CNKSR2: variants seen among roughly 807,000 people sequenced by gnomAD.
CNKSR2 encodes the protein connector enhancer of kinase suppressor of Ras 2, also known as CNK homolog protein 2.
A neutral mutation model predicts 84.4 loss-of-function variants in CNKSR2; 14 were observed. The observed-to-expected ratio is 0.17, with a 90% CI of 0.11 to 0.26. The LOEUF (loss-of-function observed/expected upper bound fraction) is 0.26, where lower values mean the gene tolerates loss of function less well. CNKSR2 is among the 10% of genes least tolerant of loss of function. The probability of loss-of-function intolerance (pLI) is 1.00; values close to 1 mark genes in which losing one functional copy is unlikely to be tolerated. For synonymous variants in CNKSR2, 275 were observed against 277.9 expected (o/e 0.99, Z 0.10); for missense variants, 485 against 771.2 (o/e 0.63, Z 4.40).
At position 21,505,185 on chromosome X, in the gene CNKSR2, A is replaced by G. The variant is rs1601875040; in HGVS notation, c.810+3597A>G. On this transcript the variant is annotated intron_variant, in intron 8 of 21. Transcript: ENST00000379510. ...TAAAGATTCTATCCATACTAAAAAC[A>G]GTCTCGGGAATATCACTTGAGAAGA... 5.5e-5 allele frequency: 7 copies of G among 128,233 alleles called. No homozygotes were observed. In the East Asian group the frequency reaches 1.4e-3, roughly 26 times the overall value. The allele number at this position is 128,233 out of a possible 1,213,427, so 10.6% of individuals were successfully genotyped here.
At chrX:21,452,065 CTAAT>C (rs2090938723) in intron 4 of CNKSR2, among the ~76,000 whole-genome samples, 1 of 111,130 alleles carries the variant, frequency 9.0e-6, no homozygotes, top group Admixed American at 9.6e-5. Flanking sequence ...CAGTCTCAAT[CTAAT>C]GAATGAATGA....
At chrX:21,631,162 T>C (rs1057437781) in intron 20 of CNKSR2, among the ~76,000 whole-genome samples, 1 of 109,610 alleles carries the variant, frequency 9.1e-6, no homozygotes, top group Non-Finnish European at 1.9e-5. Context: ...AGTCTACAAA[T>C]ACAAAAATTA....
intron 3 of CNKSR2, among the ~76,000 whole-genome samples, chrX:21,437,469 G>T (rs2090723585): frequency 1.0e-5 from 1 of 95,266 alleles, no homozygotes; most frequent in Admixed American, 1.2e-4. Context: ...GCCCAGCCTA[G>T]AGTGCAGTGG....
intron 1 of CNKSR2, among the ~76,000 whole-genome samples, chrX:21,379,962 C>G (rs1223847439): frequency 9.0e-6 from 1 of 111,042 alleles, no homozygotes; most frequent in Admixed American, 9.6e-5. Flanking sequence ...TGTAGCGGCA[C>G]AGCAAGAAAC....
chrX:21,495,831 A>G (rs1341624685), intron 6 of CNKSR2: 1 of 95,978 alleles, frequency 1.0e-5, no homozygotes, highest in Non-Finnish European at 2.1e-5. Flanking sequence ...AACACGAAAA[A>G]TTTACTCTCT....
intron 1 of CNKSR2, among the ~76,000 whole-genome samples, chrX:21,415,976 A>G (rs2090417099): frequency 9.1e-6 from 1 of 109,784 alleles, no homozygotes; most frequent in Admixed American, 9.8e-5. Context: ...TTCCAGTACT[A>G]TGTTGAATAA....
At chrX:21,584,584 G>A (rs1376840154) in intron 13 of CNKSR2, among the ~76,000 whole-genome samples, 1 of 112,232 alleles carries the variant, frequency 8.9e-6, no homozygotes, top group Non-Finnish European at 1.9e-5. Flanking sequence ...TTTGGACAGG[G>A]AAGCTTGGGT....
At position 21,527,015 on chromosome X, in the gene CNKSR2, C is replaced by A. The variant is rs753703685; in HGVS notation, c.1091+15C>A. On this transcript the variant is annotated intron_variant, in intron 10 of 21. Coordinates refer to ENST00000379510, the MANE Select transcript of CNKSR2 (RefSeq NM_014927.5). The stretch of plus-strand genomic sequence containing the variant: ...TATATTCCCAGGTATAAAACTATCA[C>A]GTTGTCCTAGGCAGCTTCTAGCTAA... 4.3e-5 allele frequency: 51 copies of A among 1,199,104 alleles called. No homozygotes were observed. The highest frequency in any genetic ancestry group is 5.6e-5 in the Non-Finnish European group (50 of 886,516).
In CNKSR2 at chrX:21,414,629, C is replaced by A. The variant is rs1422918909; in HGVS notation, c.65-11868C>A. On this transcript the variant is annotated intron_variant, in intron 1 of 21. Transcript: ENST00000379510. ...GATTGTGGGGTATTACTCAAGAAAT[C>A]TTTGCCAAGACCAGTGTCCTGGAGA... 2.7e-5 allele frequency among the ~76,000 whole-genome samples: 3 copies of A among 111,559 alleles called. No individual in the cohort carries two copies. The South Asian group carries it at 1.1e-3, about 42-fold the overall frequency.
intron 13 of CNKSR2, among the ~76,000 whole-genome samples, chrX:21,578,223 T>G (rs1434558110): frequency 9.0e-6 from 1 of 111,585 alleles, no homozygotes; most frequent in Non-Finnish European, 1.9e-5. Context: ...CCCATGTTCT[T>G]TATATGTGAC....
chrX:21,407,752 G>T (rs1315741954), intron 1 of CNKSR2, among the ~76,000 whole-genome samples: 1 of 111,570 alleles, frequency 9.0e-6, no homozygotes, highest in African/African-American at 3.2e-5. Flanking sequence ...CATAAGTAAA[G>T]TGTATAAAAC....
At chrX:21,617,601 A>AAAATATATAAGGAAATATATTC (rs2092582927) in intron 20 of CNKSR2, among the ~76,000 whole-genome samples, 1 of 111,782 alleles carries the variant, frequency 8.9e-6, no homozygotes, top group East Asian at 2.8e-4. Context: ...CAATTCTGGC[A>AAAATATATAAGGAAATATATTC]TGAATTTATT....
intron 8 of CNKSR2, among the ~76,000 whole-genome samples, chrX:21,510,394 AC>A (rs1480399458): frequency 6.3e-5 from 7 of 111,596 alleles, no homozygotes; most frequent in Non-Finnish European, 1.1e-4. Flanking sequence ...TTAAATTCTT[AC>A]CTTTATGTTT....
At chrX:21,519,498 A>G (rs910161559) in intron 9 of CNKSR2, among the ~76,000 whole-genome samples, 1 of 111,296 alleles carries the variant, frequency 9.0e-6, no homozygotes, top group African/African-American at 3.3e-5. Context: ...ACAATCCTCT[A>G]CATAGACAGG....
chrX:21,459,324 A>G (rs931554797), intron 4 of CNKSR2, among the ~76,000 whole-genome samples: 1 of 112,145 alleles, frequency 8.9e-6, no homozygotes, highest in South Asian at 3.7e-4. Flanking sequence ...AAGCCAGGCT[A>G]TCCTTAAGCT....
intron 13 of CNKSR2, among the ~76,000 whole-genome samples, chrX:21,585,615 G>T (rs936584143): frequency 4.1e-4 from 45 of 110,325 alleles, no homozygotes; most frequent in African/African-American, 6.6e-5. Context: ...GAAAGAAGCA[G>T]ATTTGGCTGA....
chrX:21,595,789 A>G (rs2092448153), intron 17 of CNKSR2, among the ~76,000 whole-genome samples: 1 of 111,822 alleles, frequency 8.9e-6, no homozygotes, highest in Non-Finnish European at 1.9e-5. Context: ...ATTCAGGCCT[A>G]AGAAAAATTA....
chrX:21,374,441 C>G lies in CNKSR2; in HGVS notation c.-457C>G, dbSNP rs960246612. ...TCGTCATTTCCGCCGGGCAGCTAGT[C>G]GTGCTCGGGGCTTCACTCCCGCGCG... On this transcript the variant is annotated 5_prime_UTR_variant, in exon 1 of 22. Coordinates refer to ENST00000379510, the MANE Select transcript of CNKSR2 (RefSeq NM_014927.5). The G allele has an allele frequency of 8.3e-5, 25 of 300,529 alleles. No homozygotes were observed. In the East Asian group the frequency reaches 1.4e-3, roughly 17 times the overall value. The allele number at this position is 300,529 out of a possible 1,213,427, so 24.8% of individuals were successfully genotyped here.
intron 1 of CNKSR2, among the ~76,000 whole-genome samples, chrX:21,418,830 C>G: frequency 9.0e-6 from 1 of 111,026 alleles, no homozygotes; most frequent in East Asian, 2.9e-4. Flanking sequence ...AGTATTTCTG[C>G]TTGATTCTTT....
Sources: gnomAD v4.1 joint callset for allele counts (sites outside exome capture counted in the v4.1 genomes callset) on GRCh38, gnomAD v4.1.1 for gene constraint, MANE v1.5 for transcripts, NCBI Gene and HGNC (gene_info 2026-07-23, HGNC 2026-07-21) for gene names.